Variants in TTC29 observed in about 807,000 individuals in gnomAD.
The protein encoded by TTC29 is tetratricopeptide repeat protein 29.
Under a neutral mutation model 58.1 loss-of-function variants are expected in TTC29, and 49 were observed. The ratio of observed to expected loss-of-function variants is 0.84; its 90% CI spans 0.67 to 1.07. The LOEUF (loss-of-function observed/expected upper bound fraction) is 1.07. Among genes scored for constraint, TTC29 ranks in the 50% least tolerant of loss-of-function variants. The pLI is 0.00. For synonymous variants in TTC29, 209 were observed against 196.8 expected (o/e 1.06, Z -0.52); for missense variants, 582 against 555.6 (o/e 1.05, Z -0.48).
intron 10 of TTC29, among the ~76,000 whole-genome samples, chr4:146,817,960 G>A (rs1751530562): frequency 6.6e-6 from 1 of 152,000 alleles, no homozygotes; most frequent in Non-Finnish European, 1.5e-5. Flanking sequence ...TTAAACGTTA[G>A]ACCTAAAACC....
At chr4:146,798,623 G>A (rs1334926574) in intron 11 of TTC29, among the ~76,000 whole-genome samples, 1 of 151,984 alleles carries the variant, frequency 6.6e-6, no homozygotes, top group Non-Finnish European at 1.5e-5. Flanking sequence ...AGGCATGGTG[G>A]CTCATGCCTG....
At chr4:146,749,967 C>T (rs1197933631) in intron 11 of TTC29, among the ~76,000 whole-genome samples, 1 of 152,078 alleles carries the variant, frequency 6.6e-6, no homozygotes, top group Non-Finnish European at 1.5e-5. Context: ...GAAATAAAGT[C>T]TTTTTCAGAT....
chr4:146,808,436 G>T (rs1750775640), intron 10 of TTC29, among the ~76,000 whole-genome samples: 1 of 152,178 alleles, frequency 6.6e-6, no homozygotes, highest in Non-Finnish European at 1.5e-5. Flanking sequence ...AATAGGAAGA[G>T]AGGAAGTCAA....
intron 11 of TTC29, chr4:146,764,281 C>T (rs1262226024): frequency 6.6e-6 from 1 of 152,030 alleles, no homozygotes; most frequent in Non-Finnish European, 1.5e-5. Context: ...ACAGCATATT[C>T]CTGTAGCCCA....
At chr4:146,797,932 C>G (rs959926567) in intron 11 of TTC29, among the ~76,000 whole-genome samples, 47 of 150,228 alleles carry the variant, frequency 3.1e-4, no homozygotes, top group African/African-American at 1.1e-3. Context: ...TTGAAGTTGA[C>G]CCACAGTTCT....
At chr4:146,943,240 G>T (rs1263935393) in intron 2 of TTC29, among the ~76,000 whole-genome samples, 3 of 120,086 alleles carry the variant, frequency 2.5e-5, no homozygotes, top group African/African-American at 9.4e-5. Context: ...AGTTTCAGCT[G>T]CCAGTTCCTT....
chr4:146,766,251 G>A (rs1430604541), intron 11 of TTC29, among the ~76,000 whole-genome samples: 1 of 151,978 alleles, frequency 6.6e-6, no homozygotes, highest in Non-Finnish European at 1.5e-5. Flanking sequence ...TTAGCAAATA[G>A]TTTTGGCACA....
chr4:146,828,805 T>C (rs1727976975), intron 9 of TTC29, among the ~76,000 whole-genome samples: 1 of 152,206 alleles, frequency 6.6e-6, no homozygotes, highest in Non-Finnish European at 1.5e-5. Context: ...GTCTTATTAT[T>C]GTAAGTCATT....
chr4:146,896,270 A>G (rs974969978), intron 6 of TTC29, among the ~76,000 whole-genome samples: 2 of 152,216 alleles, frequency 1.3e-5, no homozygotes, highest in Admixed American at 6.5e-5. Flanking sequence ...TCACCCAGGA[A>G]CCAGAAGTTT....
intron 10 of TTC29, among the ~76,000 whole-genome samples, chr4:146,807,602 C>T (rs1344028975): frequency 6.6e-6 from 1 of 152,056 alleles, no homozygotes; most frequent in African/African-American, 2.4e-5. Flanking sequence ...TCAGAGAATA[C>T]TATAAATACC....
chr4:146,921,214 A>T (rs1445342113), intron 4 of TTC29, among the ~76,000 whole-genome samples: 1 of 151,420 alleles, frequency 6.6e-6, no homozygotes, highest in Non-Finnish European at 1.5e-5. Flanking sequence ...ACATCTGTGT[A>T]TATATAAAAG....
At chr4:146,823,009 T>C (rs1268979202) in intron 9 of TTC29, among the ~76,000 whole-genome samples, 2 of 152,236 alleles carry the variant, frequency 1.3e-5, no homozygotes. Flanking sequence ...ATTAGACCTT[T>C]GTCAAATGGG....
chr4:146,876,843 G>A (rs1279462358), intron 6 of TTC29, among the ~76,000 whole-genome samples: 1 of 151,790 alleles, frequency 6.6e-6, no homozygotes, highest in Admixed American at 6.6e-5. Flanking sequence ...GGCTGAGGCA[G>A]GGGAATCGCT....
intron 11 of TTC29, among the ~76,000 whole-genome samples, chr4:146,790,229 C>A (rs1749336726): frequency 6.6e-6 from 1 of 151,418 alleles, no homozygotes; most frequent in South Asian, 2.1e-4. Context: ...CACTCTGTCG[C>A]CCAGGCTGGA....
rs543358963 is a variant in TTC29, at chr4:146,922,472, G to A, written c.177-13223C>T. Among the ~76,000 whole-genome samples, 6 of 151,704 alleles carry A rather than the reference G, an allele frequency of 4.0e-5. No homozygotes were observed. In the East Asian group the frequency reaches 9.7e-4, roughly 24 times the overall value. The stretch of plus-strand genomic sequence containing the variant: ...AGTCACTAAACATAGTAGCACGAAC[G>A]GAAAAAGCTTCTAATTATAATTATA... On this transcript the variant is annotated intron_variant, in intron 4 of 12. Transcript: ENST00000325106.
rs116640449 is a variant in TTC29, at chr4:146,819,936, G to C, written c.1101+189C>G. Reference sequence around the variant, plus strand: ...CGCATGGCCCTAAGATATTGGAAAAGGAGAAGGAGGAGGAGGCATTTCTCC... The same window carrying C: ...CGCATGGCCCTAAGATATTGGAAAACGAGAAGGAGGAGGAGGCATTTCTCC... On this transcript the variant is annotated intron_variant, in intron 10 of 12. Transcript: ENST00000325106. Among the ~76,000 whole-genome samples the C allele has an allele frequency of 6.4e-3, 971 of 152,270 alleles. 8 individuals are homozygous for C. Among genetic ancestry groups the C allele is most frequent in the Non-Finnish European group, 8.1e-3 (549 of 68,020 alleles).
intron 11 of TTC29, among the ~76,000 whole-genome samples, chr4:146,741,785 A>G (rs1745170480): frequency 6.6e-6 from 1 of 152,110 alleles, no homozygotes; most frequent in East Asian, 1.9e-4. Flanking sequence ...CTTTCTTTCC[A>G]GCTACTGGGT....
intron 6 of TTC29, among the ~76,000 whole-genome samples, chr4:146,878,579 G>A (rs556465732): frequency 6.6e-6 from 1 of 152,248 alleles, no homozygotes; most frequent in African/African-American, 2.4e-5. Context: ...GTCACCAAAA[G>A]CCCACACAAC....
At chr4:146,742,591 T>C (rs1745235968) in intron 11 of TTC29, among the ~76,000 whole-genome samples, 4 of 7,638 alleles carry the variant, frequency 5.2e-4, no homozygotes, top group African/African-American at 6.6e-4. Context: ...CTTCCTTCCC[T>C]CCCTTCCTTC....
Sources: allele counts gnomAD v4.1 joint callset (sites outside exome capture counted in the v4.1 genomes callset), GRCh38; gene constraint gnomAD v4.1.1; transcripts MANE v1.5; gene names NCBI Gene and HGNC (gene_info 2026-07-23, HGNC 2026-07-21).